The following ANO1 variants were observed in gnomAD, a reference collection of about 807,000 sequenced individuals.
ANO1 encodes anoctamin-1.
ANO1 carries 59 observed loss-of-function variants against 124.0 expected under a neutral mutation model. That is an observed-to-expected ratio of 0.48 (90% CI 0.39 to 0.59). The LOEUF (loss-of-function observed/expected upper bound fraction) is 0.59, where lower values mean the gene tolerates loss of function less well. Among genes scored for constraint, ANO1 ranks in the 20% least tolerant of loss-of-function variants. The pLI is 0.00. For synonymous variants in ANO1, 529 were observed against 532.0 expected (o/e 0.99, Z 0.08); for missense variants, 1,059 against 1,328.0 (o/e 0.80, Z 3.15).
At chr11:70,178,125 C>G (rs2048796704) in intron 22 of ANO1, among the ~76,000 whole-genome samples, 1 of 152,240 alleles carries the variant, frequency 6.6e-6, no homozygotes, top group African/African-American at 2.4e-5. Context: ...AGACACCAAG[C>G]TAGACCCAGA....
At chr11:70,150,712 T>A (rs1026891403) in intron 12 of ANO1, among the ~76,000 whole-genome samples, 3 of 152,188 alleles carry the variant, frequency 2.0e-5, no homozygotes, top group Non-Finnish European at 2.9e-5. Flanking sequence ...TTGTTTAATT[T>A]TTTTGTAAGA....
At position 70,187,864 on chromosome 11, in the gene ANO1, A is replaced by C; in HGVS notation, c.2821A>C (p.Lys941Gln). ...VELFMREEQD[K>Q]QQLLETWMEK... ...GCTGTTCATGCGGGAGGAGCAAGAC[A>C]AGCAGCAGCTGCTGGAAACCTGGAT... Residue 941 changes from lysine (K) to glutamine (Q), a missense_variant, in exon 26 of 26, where the codon AAG (lysine) becomes CAG (glutamine). Physicochemically the swap from Lys to Gln is moderately conservative, Grantham distance 53. Transcript: ENST00000355303. The C allele has an allele frequency of 6.2e-7, 1 of 1,607,520 alleles. No homozygotes were observed. Among genetic ancestry groups the C allele is most frequent in the Non-Finnish European group, 8.5e-7 (1 of 1,177,272 alleles).
At chr11:70,155,292 GC>G (rs571975160) in intron 14 of ANO1, among the ~76,000 whole-genome samples, 300 of 152,340 alleles carry the variant, frequency 2.0e-3, no homozygotes, top group Non-Finnish European at 3.2e-3. Flanking sequence ...CGCCTCTGTG[GC>G]CCGTGGCTTG....
At chr11:70,028,979 A>AC (rs1247809799) in intron 1 of ANO1, among the ~76,000 whole-genome samples, 1 of 152,042 alleles carries the variant, frequency 6.6e-6, no homozygotes, top group Non-Finnish European at 1.5e-5. Flanking sequence ...ATGGGATTTC[A>AC]CCATGTTGGC....
intron 1 of ANO1, among the ~76,000 whole-genome samples, chr11:70,053,756 GTGT>G (rs1308156531): frequency 6.6e-6 from 1 of 152,126 alleles, no homozygotes; most frequent in African/African-American, 2.4e-5. Context: ...TGGAAGATTG[GTGT>G]TATTTCTTCC....
At chr11:70,125,227 C>G (rs190691097) in intron 9 of ANO1, among the ~76,000 whole-genome samples, 142 of 152,300 alleles carry the variant, frequency 9.3e-4, no homozygotes, top group African/African-American at 3.2e-3. Flanking sequence ...CCTATAGTCC[C>G]AGCTACTAGG....
chr11:70,108,360 A>G lies in ANO1; in HGVS notation c.755A>G (p.Glu252Gly), dbSNP rs1177531214. The change falls in exon 6 of 26, where the codon GAG (glutamate) becomes GGG (glycine). Residue 252 changes from glutamate (E) to glycine (G), a missense_variant. By Grantham distance (98) the Glu-to-Gly change is moderately conservative. Coordinates refer to ENST00000355303, the MANE Select transcript of ANO1 (RefSeq NM_018043.7). Reference protein sequence around the residue: ...DSKTRSTIVYEILKRTTCTKA... With the variant: ...DSKTRSTIVYGILKRTTCTKA... ...TTCTTGTCTCTGCAATAGGTCTATG[A>G]GATCTTGAAGAGAACGACGTGTACA... is the stretch of plus-strand genomic sequence containing the variant. The G allele has an allele frequency of 6.2e-7, 1 of 1,611,840 alleles. No homozygotes were observed. Among genetic ancestry groups the G allele is most frequent in the Non-Finnish European group, 8.5e-7 (1 of 1,178,298 alleles).
At position 70,039,308 on chromosome 11, in the gene ANO1, A is replaced by G. The variant is rs543523520; in HGVS notation, c.59-39234A>G. On this transcript the variant is annotated intron_variant, in intron 1 of 27. Transcript: ENST00000531349. ...GATTAAGTACTGTTGCTTTCTTTGG[A>G]CCCAAGAGCTTATTTTGAAACCTGC... 5.3e-5 allele frequency among the ~76,000 whole-genome samples: 8 copies of G among 152,260 alleles called. No homozygotes were observed. The East Asian group carries it at 1.4e-3, about 26-fold the overall frequency.
intron 1 of ANO1, among the ~76,000 whole-genome samples, chr11:70,038,757 A>C (rs1857134453): frequency 6.6e-6 from 1 of 152,206 alleles, no homozygotes; most frequent in Non-Finnish European, 1.5e-5. Flanking sequence ...CCGCAGGACC[A>C]GAAGACCTCG....
intron 22 of ANO1, among the ~76,000 whole-genome samples, chr11:70,174,446 A>T (rs952927191): frequency 6.6e-6 from 1 of 152,158 alleles, no homozygotes; most frequent in Non-Finnish European, 1.5e-5. Context: ...AGTGAGAAAG[A>T]GGCTGTCGAA....
At chr11:70,109,156 GA>G (rs565415717) in intron 6 of ANO1, among the ~76,000 whole-genome samples, 26 of 152,348 alleles carry the variant, frequency 1.7e-4, no homozygotes, top group African/African-American at 6.3e-4. Context: ...AGAAGCCTCT[GA>G]AAGGATGAGG....
At chr11:70,166,348 A>G (rs1353490737) in intron 20 of ANO1, among the ~76,000 whole-genome samples, 1 of 152,142 alleles carries the variant, frequency 6.6e-6, no homozygotes, top group Non-Finnish European at 1.5e-5. Context: ...AAAAACATTA[A>G]AAAATAAAGC....
At chr11:70,158,283 A>G (rs2047903842) in intron 16 of ANO1, among the ~76,000 whole-genome samples, 1 of 152,142 alleles carries the variant, frequency 6.6e-6, no homozygotes, top group Admixed American at 6.5e-5. Flanking sequence ...TCACCCCCCA[A>G]GTACTCGGAG....
At chr11:69,987,060 T>C (rs377117569) in intron 1 of ANO1, among the ~76,000 whole-genome samples, 5 of 152,016 alleles carry the variant, frequency 3.3e-5, no homozygotes, top group African/African-American at 9.6e-5. Flanking sequence ...CGAATTCCCA[T>C]GGAGAAACTT....
chr11:69,984,061 T>C (rs539692941), upstream of ANO1, among the ~76,000 whole-genome samples: 3 of 152,344 alleles, frequency 2.0e-5, no homozygotes, highest in African/African-American at 7.2e-5. Flanking sequence ...TAGTTCATCA[T>C]TCCAAGGGTA....
At chr11:70,017,522 C>T (rs201960860) in intron 1 of ANO1, among the ~76,000 whole-genome samples, 2 of 137,566 alleles carry the variant, frequency 1.5e-5, no homozygotes. Flanking sequence ...CTCCTTCCTT[C>T]CTTTCTTTCT....
At chr11:70,127,440 G>C (rs1176876615) in intron 10 of ANO1, among the ~76,000 whole-genome samples, 1 of 152,172 alleles carries the variant, frequency 6.6e-6, no homozygotes, top group Non-Finnish European at 1.5e-5. Flanking sequence ...GTTCACCAAG[G>C]GTATGTCAGA....
At chr11:70,014,567 G>A (rs1856666108) in intron 1 of ANO1, among the ~76,000 whole-genome samples, 1 of 152,122 alleles carries the variant, frequency 6.6e-6, no homozygotes, top group African/African-American at 2.4e-5. Context: ...TGGTCTGTGG[G>A]TGTTTGGGGT....
intron 22 of ANO1, among the ~76,000 whole-genome samples, chr11:70,171,744 A>G (rs1211326035): frequency 6.6e-6 from 1 of 152,212 alleles, no homozygotes; most frequent in Admixed American, 6.5e-5. Context: ...AGGAGGATAC[A>G]TAGCTTGAGC....
Sources: gnomAD v4.1 joint callset for allele counts (sites outside exome capture counted in the v4.1 genomes callset) on GRCh38, gnomAD v4.1.1 for gene constraint, MANE v1.5 for transcripts, NCBI Gene and HGNC (gene_info 2026-07-23, HGNC 2026-07-21) for gene names.